Variants in HS6ST3 observed in about 807,000 individuals in gnomAD.
The protein encoded by HS6ST3 is heparan-sulfate 6-O-sulfotransferase 3.
A neutral mutation model predicts 36.7 loss-of-function variants in HS6ST3; 12 were observed. The ratio of observed to expected loss-of-function variants is 0.33; its 90% CI spans 0.21 to 0.53. HS6ST3 has a LOEUF of 0.53. Ranked by LOEUF, HS6ST3 falls within the 20% of genes least tolerant of loss-of-function variation. HS6ST3 has a pLI of 0.95. For missense variants in HS6ST3, 584 were observed against 640.9 expected (o/e 0.91, Z 0.96); for synonymous variants, 240 against 257.5 (o/e 0.93, Z 0.65).
intron 1 of HS6ST3, among the ~76,000 whole-genome samples, chr13:96,261,347 G>T (rs1448429620): frequency 2.0e-5 from 3 of 151,004 alleles, no homozygotes; most frequent in African/African-American, 7.3e-5. Flanking sequence ...TATACATAAT[G>T]TAGTAATGAT....
intron 1 of HS6ST3, among the ~76,000 whole-genome samples, chr13:96,585,235 C>T (rs761790192): frequency 6.6e-6 from 1 of 151,558 alleles, no homozygotes; most frequent in Non-Finnish European, 1.5e-5. Flanking sequence ...TTTTTTCTTC[C>T]TTTTTATAGG....
At chr13:96,689,529 G>A (rs1874878128) in intron 1 of HS6ST3, among the ~76,000 whole-genome samples, 1 of 150,910 alleles carries the variant, frequency 6.6e-6, no homozygotes, top group Non-Finnish European at 1.5e-5. Context: ...TAATAAGAGG[G>A]TCCCCCAAAA....
chr13:96,399,657 C>G (rs1445522219), intron 1 of HS6ST3, among the ~76,000 whole-genome samples: 3 of 152,254 alleles, frequency 2.0e-5, no homozygotes, highest in South Asian at 4.1e-4. Context: ...TAGAATATCA[C>G]TGACCATTGC....
intron 1 of HS6ST3, among the ~76,000 whole-genome samples, chr13:96,315,533 C>T (rs1296696180): frequency 6.6e-6 from 1 of 151,726 alleles, no homozygotes; most frequent in Non-Finnish European, 1.5e-5. Flanking sequence ...GAAAAAAAAA[C>T]TAACAATTTT....
chr13:96,261,789 C>G (rs923904942), intron 1 of HS6ST3, among the ~76,000 whole-genome samples: 4 of 151,876 alleles, frequency 2.6e-5, no homozygotes, highest in Admixed American at 1.3e-4. Flanking sequence ...GAATATGGTC[C>G]CTGTTTTATT....
At chr13:96,409,237 C>T (rs1047990960) in intron 1 of HS6ST3, among the ~76,000 whole-genome samples, 4 of 152,162 alleles carry the variant, frequency 2.6e-5, no homozygotes, top group African/African-American at 9.7e-5. Flanking sequence ...GTATAAGAAT[C>T]CTGGACAAAA....
intron 1 of HS6ST3, among the ~76,000 whole-genome samples, chr13:96,338,734 T>G (rs1440167269): frequency 6.6e-6 from 1 of 152,134 alleles, no homozygotes; most frequent in Middle Eastern, 3.2e-3. Context: ...TGCTTCTGTC[T>G]CTCTCCTTCT....
At chr13:96,301,911 A>ATAC (rs2054884715) in intron 1 of HS6ST3, among the ~76,000 whole-genome samples, 1 of 142,318 alleles carries the variant, frequency 7.0e-6, no homozygotes, top group Admixed American at 6.9e-5. Flanking sequence ...AATAATAATA[A>ATAC]TAATAATAAT....
At chr13:96,769,411 G>A (rs1227706690) in intron 1 of HS6ST3, among the ~76,000 whole-genome samples, 1 of 149,242 alleles carries the variant, frequency 6.7e-6, no homozygotes, top group Non-Finnish European at 1.5e-5. Flanking sequence ...TCGTCATCTA[G>A]CATTAGGTAT....
chr13:96,696,682 C>T (rs962720707), intron 1 of HS6ST3, among the ~76,000 whole-genome samples: 3 of 152,138 alleles, frequency 2.0e-5, no homozygotes, highest in East Asian at 3.9e-4. Context: ...CACAACAGCA[C>T]ACAAATGACC....
At chr13:96,217,417 G>A (rs1269936951) in intron 1 of HS6ST3, among the ~76,000 whole-genome samples, 1 of 152,138 alleles carries the variant, frequency 6.6e-6, no homozygotes, top group African/African-American at 2.4e-5. Flanking sequence ...CCCTCCTTCA[G>A]AATGGAAGCC....
chr13:96,756,027 G>A (rs1252044438), intron 1 of HS6ST3, among the ~76,000 whole-genome samples: 3 of 152,094 alleles, frequency 2.0e-5, no homozygotes, highest in African/African-American at 7.2e-5. Context: ...TAGTAAGTGT[G>A]AAATGTTAAC....
chr13:96,786,902 A>C (rs1228793609), intron 1 of HS6ST3, among the ~76,000 whole-genome samples: 1 of 152,070 alleles, frequency 6.6e-6, no homozygotes, highest in Non-Finnish European at 1.5e-5. Flanking sequence ...CATCATGCCA[A>C]TTCTAGGTAA....
intron 1 of HS6ST3, among the ~76,000 whole-genome samples, chr13:96,693,044 T>C (rs961492544): frequency 6.6e-6 from 1 of 152,192 alleles, no homozygotes; most frequent in Admixed American, 6.5e-5. Flanking sequence ...AGGGTTGATG[T>C]CCATCTACAA....
intron 1 of HS6ST3, among the ~76,000 whole-genome samples, chr13:96,535,332 G>A (rs1441306695): frequency 6.6e-6 from 1 of 152,092 alleles, no homozygotes; most frequent in Non-Finnish European, 1.5e-5. Flanking sequence ...CAAGGCGGGC[G>A]AATCATGAGG....
chr13:96,529,377 T>A (rs1361859390), intron 1 of HS6ST3, among the ~76,000 whole-genome samples: 8 of 152,158 alleles, frequency 5.3e-5, no homozygotes, highest in African/African-American at 1.9e-4. Context: ...ATCAGGGTAG[T>A]CATGTTAGAT....
intron 1 of HS6ST3, among the ~76,000 whole-genome samples, chr13:96,311,587 G>C (rs2054941356): frequency 1.3e-5 from 2 of 152,282 alleles, no homozygotes; most frequent in South Asian, 4.1e-4. Flanking sequence ...GTGTTGGCTA[G>C]AAAGCATCCA....
chr13:96,528,501 G>A (rs992158508), intron 1 of HS6ST3, among the ~76,000 whole-genome samples: 3 of 152,028 alleles, frequency 2.0e-5, no homozygotes, highest in African/African-American at 7.2e-5. Flanking sequence ...ATATGTTTTT[G>A]ATATTATGTA....
chr13:96,690,967 C>G (rs1276572326), intron 1 of HS6ST3, among the ~76,000 whole-genome samples: 2 of 152,088 alleles, frequency 1.3e-5, no homozygotes, highest in Admixed American at 6.6e-5. Context: ...GTCCTTGGCA[C>G]CCAGTACTTT....
Sources: allele counts gnomAD v4.1 joint callset (sites outside exome capture counted in the v4.1 genomes callset), GRCh38; gene constraint gnomAD v4.1.1; transcripts MANE v1.5; gene names NCBI Gene and HGNC (gene_info 2026-07-23, HGNC 2026-07-21).